Variants in MSRB3 observed in about 807,000 individuals in gnomAD.
MSRB3 encodes the protein methionine-R-sulfoxide reductase B3.
In MSRB3, 13 loss-of-function variants were observed where a neutral mutation model predicts 21.0. The ratio of observed to expected loss-of-function variants is 0.62; its 90% CI spans 0.40 to 0.98. The LOEUF (loss-of-function observed/expected upper bound fraction) is 0.98. MSRB3 is among the 50% of genes least tolerant of loss of function. The pLI is 0.00. For synonymous variants in MSRB3, 87 were observed against 88.6 expected (o/e 0.98, Z 0.10); for missense variants, 199 against 230.3 (o/e 0.86, Z 0.88).
intron 5 of MSRB3, among the ~76,000 whole-genome samples, chr12:65,374,834 C>T (rs1434623082): frequency 6.6e-6 from 1 of 151,968 alleles, no homozygotes; most frequent in Admixed American, 6.6e-5. Context: ...ATCAGGCAAC[C>T]TTCTCTATAG....
At chr12:65,344,618 C>T (rs187179366) in intron 4 of MSRB3, among the ~76,000 whole-genome samples, 7 of 151,910 alleles carry the variant, frequency 4.6e-5, no homozygotes, top group African/African-American at 9.6e-5. Context: ...GTCAGTGCTT[C>T]CCACCAAGAC....
chr12:65,328,633 C>T, intron 4 of MSRB3, 30 bp downstream of exon 4: 3 of 1,443,818 alleles, frequency 2.1e-6, no homozygotes, highest in Non-Finnish European at 2.9e-6. Flanking sequence ...ATAGGTATGG[C>T]TGTATCATAG....
At chr12:65,409,981 T>C (rs1180623523) in intron 5 of MSRB3, among the ~76,000 whole-genome samples, 1 of 152,208 alleles carries the variant, frequency 6.6e-6, no homozygotes, top group Admixed American at 6.5e-5. Context: ...TATGGGTGTT[T>C]CAATTTTTCC....
chr12:65,413,840 C>A (rs1880837427), intron 5 of MSRB3, among the ~76,000 whole-genome samples: 2 of 152,012 alleles, frequency 1.3e-5, no homozygotes, highest in African/African-American at 4.8e-5. Flanking sequence ...GGGGTACAGT[C>A]ACAGTTTCAA....
At chr12:65,320,294 G>C (rs758321254) in intron 2 of MSRB3, among the ~76,000 whole-genome samples, 29 of 152,124 alleles carry the variant, frequency 1.9e-4, no homozygotes, top group Non-Finnish European at 3.4e-4. Flanking sequence ...ATTTGTTTTT[G>C]TGTGTGTTAT....
rs541794573 is a variant in MSRB3 at position 65,359,009 on chromosome 12, T to C, written c.264-9989T>C. Among the ~76,000 whole-genome samples the C allele has an allele frequency of 2.6e-5, 4 of 151,980 alleles. No homozygotes were observed. The South Asian group carries it at 8.3e-4, about 32-fold the overall frequency. On this transcript the variant is annotated intron_variant, in intron 4 of 6. Transcript: ENST00000308259. The stretch of plus-strand genomic sequence containing the variant: ...CTTCCTAATTTTAACCCCCAAATTA[T>C]TAACTAATGATTTTTAATGTAGTAT...
intron 5 of MSRB3, chr12:65,420,088 G>A (rs1008007972): frequency 2.2e-6 from 1 of 457,744 alleles, no homozygotes; most frequent in South Asian, 1.8e-5. Flanking sequence ...AGTTTTGTAT[G>A]GTGTGAGATG....
intron 4 of MSRB3, among the ~76,000 whole-genome samples, chr12:65,337,572 A>G (rs1875868298): frequency 6.6e-6 from 1 of 151,960 alleles, no homozygotes; most frequent in South Asian, 2.1e-4. Flanking sequence ...TCATAACCCT[A>G]CCGTATCGAA....
At chr12:65,452,081 A>G (rs1882882981) in intron 5 of MSRB3, among the ~76,000 whole-genome samples, 1 of 152,214 alleles carries the variant, frequency 6.6e-6, no homozygotes. Context: ...CTATTTCTCC[A>G]TACCTATTTT....
chr12:65,406,034 C>T (rs1342527703), intron 5 of MSRB3, among the ~76,000 whole-genome samples: 3 of 152,056 alleles, frequency 2.0e-5, no homozygotes, highest in Non-Finnish European at 4.4e-5. Context: ...TCTCTTCACT[C>T]TGTTGATTGC....
rs1236653918 is a variant in MSRB3, at chr12:65,465,425, C to T, written c.*2103C>T. 1 of 151,814 alleles carries T rather than the reference C, an allele frequency of 6.6e-6. No homozygotes were observed. Among genetic ancestry groups the T allele is most frequent in the Admixed American group, 6.6e-5 (1 of 15,250 alleles). 9.4% of individuals were successfully genotyped at this position (151,814 alleles called of 1,614,324 possible). ...GAAGACTGACAGCTTTCCTTGTAAG[C>T]ACTAAGAGAAAAAAAAGAAAGAGGG... On this transcript the variant is annotated 3_prime_UTR_variant, in exon 7 of 7. Coordinates refer to ENST00000308259, the MANE Select transcript of MSRB3 (RefSeq NM_001031679.3).
chr12:65,448,595 T>C (rs952340024), intron 5 of MSRB3, among the ~76,000 whole-genome samples: 1 of 152,208 alleles, frequency 6.6e-6, no homozygotes, highest in East Asian at 1.9e-4. Flanking sequence ...GTTCCATATG[T>C]ATATCTGTGC....
At chr12:65,310,067 C>T (rs926239163) in intron 2 of MSRB3, among the ~76,000 whole-genome samples, 3 of 152,074 alleles carry the variant, frequency 2.0e-5, no homozygotes, top group African/African-American at 7.2e-5. Flanking sequence ...GCTGGGATGG[C>T]AACCTGATTA....
intron 4 of MSRB3, among the ~76,000 whole-genome samples, chr12:65,346,253 C>G (rs937644826): frequency 2.6e-5 from 4 of 152,118 alleles, no homozygotes; most frequent in Non-Finnish European, 5.9e-5. Context: ...CCTGTTGTTT[C>G]CTGACTTTTT....
Position 65,308,548 on chromosome 12 carries a change from C to T in MSRB3, c.-32C>T. ...ACTCAGCTCTTGCCCCTGTTCTTTG[C>T]TTCTCGTTTTGTTGGTGAAGATATC... On this transcript the variant is annotated 5_prime_UTR_variant, in exon 2 of 7. Coordinates refer to ENST00000308259, the MANE Select transcript of MSRB3 (RefSeq NM_001031679.3). The T allele has an allele frequency of 6.2e-7, 1 of 1,613,614 alleles. No individual in the cohort carries two copies. The highest frequency in any genetic ancestry group is 2.2e-5 in the East Asian group (1 of 44,868).
chr12:65,368,096 G>C (rs540115578), intron 4 of MSRB3, among the ~76,000 whole-genome samples: 4 of 152,038 alleles, frequency 2.6e-5, no homozygotes, highest in Non-Finnish European at 5.9e-5. Context: ...GCTTCCAAAA[G>C]TGCTTTGGAA....
intron 5 of MSRB3, among the ~76,000 whole-genome samples, chr12:65,436,542 A>G (rs569122222): frequency 1.2e-4 from 18 of 152,004 alleles, no homozygotes; most frequent in African/African-American, 3.9e-4. Context: ...CTGGAACAAC[A>G]ATAAAAATTC....
chr12:65,350,262 G>T (rs1378973507), intron 4 of MSRB3, among the ~76,000 whole-genome samples: 11 of 151,484 alleles, frequency 7.3e-5, no homozygotes, highest in Admixed American at 2.6e-4. Context: ...CTGTTCCATT[G>T]ATCTATATCT....
intron 5 of MSRB3, among the ~76,000 whole-genome samples, chr12:65,426,532 G>A (rs936669613): frequency 1.4e-4 from 22 of 152,040 alleles, no homozygotes; most frequent in African/African-American, 5.1e-4. Flanking sequence ...AGTCTTACTT[G>A]GATTGAATCT....
Sources: allele counts gnomAD v4.1 joint callset (sites outside exome capture counted in the v4.1 genomes callset), GRCh38; gene constraint gnomAD v4.1.1; transcripts MANE v1.5; gene names NCBI Gene and HGNC (gene_info 2026-07-23, HGNC 2026-07-21).